Variants in APOB observed in about 807,000 individuals in gnomAD.
APOB encodes apolipoprotein B-100.
Under a neutral mutation model 314.1 loss-of-function variants are expected in APOB, and 153 were observed. The ratio of observed to expected loss-of-function variants is 0.49; its 90% CI spans 0.43 to 0.56. The LOEUF is 0.56. APOB is among the 20% of genes least tolerant of loss of function. The pLI is 0.00. For synonymous variants in APOB, 2,087 were observed against 2,036.4 expected (o/e 1.02, Z -0.67); for missense variants, 5,430 against 5,350.7 (o/e 1.01, Z -0.46).
Position 21,033,279 on chromosome 2 carries a change from G to T in APOB, c.1124+20C>A. On this transcript the variant is annotated intron_variant, in intron 9 of 28. Transcript: ENST00000233242. ...GTTACCATCAGTTTTATAAAAAGTTGAGCTGTAACCATTAGATACCTGGAC... is the reference window on the plus strand; with the variant it reads ...GTTACCATCAGTTTTATAAAAAGTTTAGCTGTAACCATTAGATACCTGGAC... The T allele has an allele frequency of 1.9e-6, 3 of 1,597,574 alleles. No individual in the cohort carries two copies. Among genetic ancestry groups the T allele is most frequent in the South Asian group, 1.1e-5 (1 of 90,680 alleles).
At position 21,013,526 on chromosome 2, in the gene APOB, G is replaced by A. The variant is rs376768346; in HGVS notation, c.3850C>T (p.Arg1284Trp). The A allele has an allele frequency of 4.0e-5, 65 of 1,614,024 alleles. No individual in the cohort carries two copies. Among genetic ancestry groups the A allele is most frequent in the African/African-American group, 2.5e-4 (19 of 75,006 alleles). ...TTCTTGTTCAAGGTATATTTGACCC[G>A]GCCATCGCTGAAATGAACAACAAAG... ...PENLFLKSDG[R>W]VKYTLNKNSL... Residue 1284 changes from arginine (R) to tryptophan (W), a missense_variant, in exon 25 of 29, where the codon CGG becomes TGG. Transcript: ENST00000233242.
intron 17 of APOB, 151 bp from the exon 18 acceptor site, chr2:21,023,193 G>T: frequency 1.2e-6 from 1 of 824,216 alleles, no homozygotes; most frequent in Non-Finnish European, 2.0e-6. Flanking sequence ...AAGAAGGAAA[G>T]CGAGTTCTCA....
intron 8 of APOB, among the ~76,000 whole-genome samples, chr2:21,033,976 A>G (rs1338251741): frequency 6.6e-6 from 1 of 152,206 alleles, no homozygotes. Flanking sequence ...CTTAGCTTGA[A>G]ATAATTGGTG....
chr2:21,029,059 C>T (rs964309167), intron 12 of APOB, among the ~76,000 whole-genome samples: 2 of 152,220 alleles, frequency 1.3e-5, no homozygotes, highest in African/African-American at 4.8e-5. Context: ...AAACATCTCA[C>T]GTTCTGCATG....
chr2:21,042,058 G>A (rs901906406), intron 3 of APOB, among the ~76,000 whole-genome samples: 4 of 152,120 alleles, frequency 2.6e-5, no homozygotes, highest in African/African-American at 4.8e-5. Context: ...CCTCTCTCAC[G>A]CTGAAATCTA....
chr2:21,022,803 G>A (rs775993682), intron 18 of APOB, 28 bp downstream of exon 18: 1 of 1,608,644 alleles, frequency 6.2e-7, no homozygotes, highest in South Asian at 1.1e-5. Flanking sequence ...TTTCAAACTG[G>A]CTAGGCAGAC....
intron 19 of APOB, 31 bp from the exon 20 acceptor site, chr2:21,019,144 A>G: frequency 6.2e-7 from 1 of 1,613,840 alleles, no homozygotes; most frequent in Non-Finnish European, 8.5e-7. Flanking sequence ...ACAGTGCATA[A>G]TGTTAGAGCT....
intron 25 of APOB, among the ~76,000 whole-genome samples, chr2:21,012,881 C>T (rs149188540): frequency 6.6e-6 from 1 of 152,212 alleles, no homozygotes; most frequent in Non-Finnish European, 1.5e-5. Flanking sequence ...TGCTTCCACT[C>T]TACCTTATAC....
At chr2:21,023,169 T>C in intron 17 of APOB, 127 bp from the exon 18 acceptor site, 1 of 904,248 alleles carries the variant, frequency 1.1e-6, no homozygotes. Flanking sequence ...GAAACATTAC[T>C]GGGATTTGTT....
chr2:21,042,150 A>G (rs1267927801), intron 3 of APOB, among the ~76,000 whole-genome samples: 1 of 152,136 alleles, frequency 6.6e-6, no homozygotes, highest in African/African-American at 2.4e-5. Context: ...TGACTTGCGA[A>G]ATTTGGTGGG....
In APOB at chr2:21,012,551, A is replaced by G; in HGVS notation, c.4317T>C (p.His1439=). ...CTGGGTTGTTTCCAAGTTTTTCTAC[A>G]TGACTGAATTTGATATTCGAATCTA... The part of the protein sequence containing the change: ...KFLDSNIKFS[H]VEKLGNNPVS... Residue 1439 remains histidine, a synonymous_variant, in exon 26 of 29, where the codon CAT becomes CAC. Transcript: ENST00000233242. The G allele has an allele frequency of 1.2e-6, 2 of 1,614,190 alleles. No individual in the cohort carries two copies. The highest frequency in any genetic ancestry group is 1.7e-6 in the Non-Finnish European group (2 of 1,180,030).
At chr2:21,041,122 C>G in intron 3 of APOB, 39 bp from the exon 4 acceptor site, 1 of 1,601,100 alleles carries the variant, frequency 6.2e-7, no homozygotes, top group Non-Finnish European at 8.5e-7. Flanking sequence ...GGTTGTCTAT[C>G]AAGAATGAGA....
intron 4 of APOB, among the ~76,000 whole-genome samples, chr2:21,039,941 G>A (rs1664091417): frequency 6.6e-6 from 1 of 152,196 alleles, no homozygotes; most frequent in African/African-American, 2.4e-5. Context: ...AATGGGCAAG[G>A]ATGGTGATAT....
Position 21,013,537 on chromosome 2 carries a change from A to C in APOB, c.3843-4T>G, listed in dbSNP as rs1217214895. 1 of 1,614,104 alleles carries C rather than the reference A, an allele frequency of 6.2e-7. No homozygotes were observed. The highest frequency in any genetic ancestry group is 1.7e-5 in the Admixed American group (1 of 60,026). ...GGTATATTTGACCCGGCCATCGCTG[A>C]AATGAACAACAAAGATAACATCCCC... On this transcript the variant is annotated splice_polypyrimidine_tract_variant and splice_region_variant and intron_variant, in intron 24 of 28. Transcript: ENST00000233242.
rs1663116627 is a variant in APOB at position 21,005,780 on chromosome 2, A to G, written c.11088T>C (p.Ile3696=). ...AAACACGAAGATGCTGTCTCCTACC[A>G]ATGCTGGTGGTTACATCCAGCTTTA... ...DFLKLDVTTS[I]GRRQHLRVST... Residue 3696 remains isoleucine (I), a synonymous_variant, in exon 26 of 29, where the codon ATT becomes ATC. Coordinates refer to ENST00000233242, the MANE Select transcript of APOB (RefSeq NM_000384.3). 1.2e-6 allele frequency: 2 copies of G among 1,613,922 alleles called. No homozygotes were observed. Among genetic ancestry groups the G allele is most frequent in the Non-Finnish European group, 1.7e-6 (2 of 1,179,980 alleles).
rs762885985 is a variant in APOB, at chr2:21,012,056, A to G, written c.4812T>C (p.Ala1604=). ...TGAAGAACCTCAATGACTCGTAATC[A>G]GCCTGATATTCAGAACGCAGCAGTG... ...QNALLRSEYQ[A]DYESLRFFSL... is the part of the protein sequence containing the mutation. The change falls in exon 26 of 29, where the codon GCT becomes GCC. Residue 1604 remains alanine, a synonymous_variant. Transcript: ENST00000233242. 1.9e-6 allele frequency: 3 copies of G among 1,614,264 alleles called. No individual in the cohort carries two copies. Among genetic ancestry groups the G allele is most frequent in the Non-Finnish European group, 1.7e-6 (2 of 1,180,054 alleles).
intron 15 of APOB, among the ~76,000 whole-genome samples, chr2:21,025,442 C>A (rs746620124): frequency 6.6e-6 from 1 of 152,162 alleles, no homozygotes; most frequent in Non-Finnish European, 1.5e-5. Context: ...CTCTATCCCC[C>A]ACCCGTTCCC....
Position 21,028,082 on chromosome 2 carries a change from A to G in APOB, c.1830-17T>C. ...TTTTTCAGACTAGATAAGAAGAAGT[A>G]TATTTTGAGCTGACACACCATGTTA... On this transcript the variant is annotated splice_polypyrimidine_tract_variant and intron_variant, in intron 13 of 28. Coordinates refer to ENST00000233242, the MANE Select transcript of APOB (RefSeq NM_000384.3). 6.5e-7 allele frequency: 1 copy of G among 1,545,468 alleles called. No homozygotes were observed. The highest frequency in any genetic ancestry group is 8.9e-7 in the Non-Finnish European group (1 of 1,117,330).
In APOB at chr2:21,044,054, C is replaced by T. The variant is rs1017443368; in HGVS notation, c.-109G>A. 1 of 448,722 alleles carries T rather than the reference C, an allele frequency of 2.2e-6. No homozygotes were observed. The highest frequency in any genetic ancestry group is 3.5e-6 in the Non-Finnish European group (1 of 287,798). The allele number at this position is 448,722 out of a possible 1,614,324, so 27.8% of individuals were successfully genotyped here. A position where few individuals can be genotyped will look rare whatever the true frequency, so the allele number is the denominator to read the frequency against. ...CAGCAACCGAGAAGGGCACTCAGCC[C>T]CGCAGGTCCCGGTGGGAATGCGCGG... On this transcript the variant is annotated 5_prime_UTR_variant, in exon 1 of 29. Transcript: ENST00000233242.
Sources: gnomAD v4.1 joint callset for allele counts (sites outside exome capture counted in the v4.1 genomes callset) on GRCh38, gnomAD v4.1.1 for gene constraint, MANE v1.5 for transcripts, NCBI Gene and HGNC (gene_info 2026-07-23, HGNC 2026-07-21) for gene names.